The following BRAF variants were observed in gnomAD, a reference collection of about 807,000 sequenced individuals.
BRAF encodes serine/threonine-protein kinase B-raf.
BRAF carries 16 observed loss-of-function variants against 104.6 expected under a neutral mutation model. The ratio of observed to expected loss-of-function variants is 0.15; its 90% CI spans 0.10 to 0.23. BRAF has a LOEUF of 0.23. Ranked by LOEUF, BRAF falls within the 10% of genes least tolerant of loss-of-function variation. BRAF has a pLI of 1.00. For synonymous variants in BRAF, 310 were observed against 341.6 expected, an observed-to-expected ratio of 0.91 and a Z score of 1.02; for missense variants, 541 against 937.3, an observed-to-expected ratio of 0.58 and a Z score of 5.52.
chr7:140,843,573 T>C (rs1487166134), intron 2 of BRAF, among the ~76,000 whole-genome samples: 1 of 152,234 alleles, frequency 6.6e-6, no homozygotes, highest in African/African-American at 2.4e-5. Context: ...TCCTCTAAAA[T>C]TTCCCATCTC....
At chr7:140,855,424 T>C (rs1809664090) in intron 1 of BRAF, among the ~76,000 whole-genome samples, 1 of 151,974 alleles carries the variant, frequency 6.6e-6, no homozygotes, top group Non-Finnish European at 1.5e-5. Flanking sequence ...TTTAGTGACT[T>C]TACAAATGGC....
At chr7:140,830,562 C>A (rs1806612810) in intron 3 of BRAF, among the ~76,000 whole-genome samples, 1 of 152,118 alleles carries the variant, frequency 6.6e-6, no homozygotes, top group Non-Finnish European at 1.5e-5. Context: ...TTTGTTCCAA[C>A]AAGGTGAGTT....
rs397507487 is a variant in BRAF at position 140,734,743 on chromosome 7, G to A, written c.2275C>T (p.Arg759Cys). The change falls in exon 19 of 20, where the codon CGC becomes TGC. Residue 759 changes from arginine to cysteine, a missense_variant. Arg to Cys is a radical substitution (Grantham distance 180, BLOSUM62 -3). This residue lies in a region of BRAF where 129 missense variants were observed against 285.8 expected (regional missense o/e 0.45). Transcript: ENST00000644969. The stretch of plus-strand genomic sequence containing the variant: ...CTGCGGTGAATTTTTGGCAATGAGC[G>A]GGCCAGCAGCTCAATAGAGGCGAGA... ...QILASIELLA[R>C]SLPKIHRSAS... The A allele has an allele frequency of 4.4e-6, 7 of 1,605,466 alleles. No homozygotes were observed. The highest frequency in any genetic ancestry group is 1.1e-5 in the South Asian group (1 of 90,804).
intron 1 of BRAF, among the ~76,000 whole-genome samples, chr7:140,856,346 G>A (rs1029341825): frequency 1.1e-4 from 17 of 152,004 alleles, no homozygotes; most frequent in African/African-American, 4.1e-4. Context: ...CTGAAAGCAA[G>A]GAGGCCAGGA....
intron 13 of BRAF, among the ~76,000 whole-genome samples, 154 bp downstream of exon 12, chr7:140,777,837 T>C (rs1210458278): frequency 6.6e-6 from 1 of 152,226 alleles, no homozygotes; most frequent in Non-Finnish European, 1.5e-5. Context: ...TAAAAGAATG[T>C]GGTTAAAGAC....
rs6944394 is a variant in BRAF, at chr7:140,766,517, A to G, written c.1814+10395T>C. ...GAAAGAATACCCACACACCTTCCACATAGATTCCACAAATGTCAACATTCT... is the reference window on the plus strand; with the variant it reads ...GAAAGAATACCCACACACCTTCCACGTAGATTCCACAAATGTCAACATTCT... On this transcript the variant is annotated intron_variant, in intron 14 of 19. Transcript: ENST00000644969. Among the ~76,000 whole-genome samples, 1,177 of 152,326 alleles carry G rather than the reference A, an allele frequency of 7.7e-3. 18 individuals are homozygous for G. The highest frequency in any genetic ancestry group is 0.026 in the African/African-American group (1,097 of 41,562).
chr7:140,728,450 C>T (rs958310099), intron 19 of BRAF, among the ~76,000 whole-genome samples: 2 of 151,350 alleles, frequency 1.3e-5, no homozygotes, highest in African/African-American at 4.9e-5. Context: ...TTTTAACAAG[C>T]AATTAACTAA....
At chr7:140,912,874 C>T (rs1349777834) in intron 1 of BRAF, among the ~76,000 whole-genome samples, 1 of 152,288 alleles carries the variant, frequency 6.6e-6, no homozygotes, top group East Asian at 1.9e-4. Flanking sequence ...CATCCAAAAT[C>T]TGACTACTTC....
At chr7:140,830,333 T>C (rs1395258309) in intron 3 of BRAF, among the ~76,000 whole-genome samples, 1 of 152,242 alleles carries the variant, frequency 6.6e-6, no homozygotes, top group Non-Finnish European at 1.5e-5. Flanking sequence ...GTTTATTATG[T>C]TGACAAACTC....
Position 140,729,620 on chromosome 7 carries a change from G to GA in BRAF, c.2402-3105dup, listed in dbSNP as rs560039588. On this transcript the variant is annotated intron_variant, in intron 19 of 19. Coordinates refer to ENST00000644969, the MANE Select transcript of BRAF (RefSeq NM_001374258.1). ...AACATGGTGAAACTGTTTCTACTGG[G>GA]AAAAAAAAAAAATTACGTGTGGTGC... is the stretch of plus-strand genomic sequence containing the variant. Among the ~76,000 whole-genome samples the GA allele has an allele frequency of 2.0e-3, 287 of 146,146 alleles. 1 individual carries two copies. Among genetic ancestry groups the GA allele is most frequent in the African/African-American group, 5.7e-3 (229 of 40,234 alleles).
chr7:140,719,825 G>A lies in BRAF; in HGVS notation c.*6669C>T. 1 of 1,063,166 alleles carries A rather than the reference G, an allele frequency of 9.4e-7. No homozygotes were observed. The highest frequency in any genetic ancestry group is 1.1e-6 in the Non-Finnish European group (1 of 877,954). The allele number at this position is 1,063,166 out of a possible 1,614,324, so 65.9% of individuals were successfully genotyped here. A position where few individuals can be genotyped will look rare whatever the true frequency, so the allele number is the denominator to read the frequency against. ...CCATCTTTTCACTGGGCACGCCCCA[G>A]ACTCCACGAGAACCTTTTCAATGCT... is the stretch of plus-strand genomic sequence containing the variant. On this transcript the variant is annotated 3_prime_UTR_variant, in exon 20 of 20. Coordinates refer to ENST00000644969, the MANE Select transcript of BRAF (RefSeq NM_001374258.1).
chr7:140,726,549 A>C, intron 19 of BRAF: 1 of 1,498,964 alleles, frequency 6.7e-7, no homozygotes, highest in Non-Finnish European at 9.0e-7. Flanking sequence ...AATTTTAAAA[A>C]AGTCATCTCA....
chr7:140,862,594 C>T (rs1424623145), intron 1 of BRAF, among the ~76,000 whole-genome samples: 1 of 152,058 alleles, frequency 6.6e-6, no homozygotes, highest in Non-Finnish European at 1.5e-5. Flanking sequence ...AAATTCAAAA[C>T]GGAAAACTCT....
chr7:140,802,744 T>G (rs1803260671), intron 5 of BRAF, among the ~76,000 whole-genome samples: 1 of 152,088 alleles, frequency 6.6e-6, no homozygotes, highest in Admixed American at 6.5e-5. Context: ...ATTTCAAGAG[T>G]CAAAAAGTTA....
At position 140,725,743 on chromosome 7, in the gene BRAF, TGAGA is replaced by T. The variant is rs1357103063; in HGVS notation, c.*747_*750del. Reference sequence around the variant, plus strand: ...CACTTATCTTCATTGCTGGACCCAATGAGAAAGAAGGCAATGTGTGCCAGCACTA... The same window carrying T: ...CACTTATCTTCATTGCTGGACCCAATAAGAAGGCAATGTGTGCCAGCACTA... On this transcript the variant is annotated 3_prime_UTR_variant, in exon 20 of 20. Transcript: ENST00000644969. The T allele has an allele frequency of 5.7e-6, 6 of 1,057,712 alleles. No individual in the cohort carries two copies. The highest frequency in any genetic ancestry group is 6.9e-6 in the Non-Finnish European group (6 of 875,586). 65.5% of individuals were successfully genotyped at this position (1,057,712 alleles called of 1,614,324 possible).
chr7:140,777,481 A>AC (rs1800448861), intron 13 of BRAF, among the ~76,000 whole-genome samples: 1 of 152,124 alleles, frequency 6.6e-6, no homozygotes, highest in South Asian at 2.1e-4. Flanking sequence ...CTCTGGAATA[A>AC]CTTTTTTTTC....
rs1795303744 is a variant in BRAF, at chr7:140,721,116, C to T, written c.*5378G>A. 3.8e-6 allele frequency: 4 copies of T among 1,064,438 alleles called. No individual in the cohort carries two copies. The highest frequency in any genetic ancestry group is 4.1e-4 in the Middle Eastern group (1 of 2,428). 65.9% of individuals were successfully genotyped at this position (1,064,438 alleles called of 1,614,324 possible). ...TCTAAAAAATGGATACACTGGCTTA[C>T]ATTGGCTGTGTCCTCATACACACTC... On this transcript the variant is annotated 3_prime_UTR_variant, in exon 20 of 20. Transcript: ENST00000644969.
At chr7:140,799,199 A>T (rs188570430) in intron 7 of BRAF, 7 of 221,222 alleles carry the variant, frequency 3.2e-5, no homozygotes, top group African/African-American at 1.6e-4. Flanking sequence ...TCCTCAACTG[A>T]TTAATAATAC....
intron 18 of BRAF, 133 bp from the exon 18 acceptor site, chr7:140,734,903 C>T: frequency 2.1e-6 from 2 of 967,276 alleles, no homozygotes; most frequent in Non-Finnish European, 2.9e-6. Context: ...TCACACTTTA[C>T]AAGAAAGCAC....
Sources: gnomAD v4.1 joint callset for allele counts (sites outside exome capture counted in the v4.1 genomes callset) on GRCh38, gnomAD v4.1.1 for gene constraint, gnomAD v4.1.1 regional missense constraint, MANE v1.5 for transcripts, NCBI Gene and HGNC (gene_info 2026-07-23, HGNC 2026-07-21) for gene names.